MED12L: variants seen among roughly 807,000 people sequenced by gnomAD.
MED12L encodes the protein mediator of RNA polymerase II transcription subunit 12-like protein.
Under a neutral mutation model 281.3 loss-of-function variants are expected in MED12L, and 60 were observed. The observed-to-expected ratio is 0.21, with a 90% CI of 0.17 to 0.26. The LOEUF (loss-of-function observed/expected upper bound fraction) is 0.26, where lower values mean the gene tolerates loss of function less well. MED12L is among the 10% of genes least tolerant of loss of function. The probability of loss-of-function intolerance (pLI) is 1.00; values close to 1 mark genes in which losing one functional copy is unlikely to be tolerated. For missense variants in MED12L, 2,146 were observed against 2,680.9 expected (o/e 0.80, Z 4.41); for synonymous variants, 974 against 987.2 (o/e 0.99, Z 0.25).
At chr3:151,339,654 T>A (rs959741131) in intron 16 of MED12L, among the ~76,000 whole-genome samples, 14 of 151,616 alleles carry the variant, frequency 9.2e-5, no homozygotes, top group Middle Eastern at 6.8e-3. Flanking sequence ...AAAAAAAAAA[T>A]AAGAGTCAGA....
At chr3:151,415,732 GCT>G (rs1188897773) in intron 42 of MED12L, among the ~76,000 whole-genome samples, 1 of 152,140 alleles carries the variant, frequency 6.6e-6, no homozygotes, top group African/African-American at 2.4e-5. Flanking sequence ...TCTGGTCTGT[GCT>G]TTTTCTGTGA....
intron 16 of MED12L, chr3:151,213,360 G>A: frequency 1.9e-6 from 3 of 1,613,760 alleles, no homozygotes; most frequent in Middle Eastern, 1.7e-4. Flanking sequence ...AAATGTCTAG[G>A]TCATTCTGAG....
intron 16 of MED12L, among the ~76,000 whole-genome samples, chr3:151,222,252 A>C (rs530396496): frequency 2.0e-5 from 3 of 152,196 alleles, no homozygotes; most frequent in Non-Finnish European, 4.4e-5. Context: ...CTTGTCTGGG[A>C]TGAGACTCTG....
chr3:151,086,720 C>T (rs1719265926), intron 1 of MED12L, 78 bp from the exon 2 acceptor site: 1 of 450,220 alleles, frequency 2.2e-6, no homozygotes, highest in Non-Finnish European at 4.0e-6. Flanking sequence ...GAGTACCCGC[C>T]GAAGGCTGTC....
chr3:151,190,236 A>G (rs1311351099), intron 13 of MED12L, among the ~76,000 whole-genome samples: 1 of 150,602 alleles, frequency 6.6e-6, no homozygotes, highest in Non-Finnish European at 1.5e-5. Flanking sequence ...CAGTGGCACG[A>G]TCTTGGCTCA....
chr3:151,391,063 T>G (rs1007813689), intron 38 of MED12L, among the ~76,000 whole-genome samples: 1 of 152,224 alleles, frequency 6.6e-6, no homozygotes, highest in Non-Finnish European at 1.5e-5. Context: ...GATTCAGTTA[T>G]TTATTCAAGA....
intron 16 of MED12L, chr3:151,212,974 T>TAAA: frequency 1.2e-5 from 2 of 160,828 alleles, no homozygotes; most frequent in Admixed American, 6.4e-5. Flanking sequence ...TGTGTTTTAT[T>TAAA]TACTATTTAA....
chr3:151,328,587 G>GT (rs1560033985), intron 16 of MED12L: 6 of 1,613,512 alleles, frequency 3.7e-6, no homozygotes, highest in Non-Finnish European at 5.1e-6. Flanking sequence ...GCAAAAACAG[G>GT]TTTTTTTAGA....
At chr3:151,374,875 A>G (rs371505072) in intron 27 of MED12L, among the ~76,000 whole-genome samples, 72 of 152,274 alleles carry the variant, frequency 4.7e-4, no homozygotes, top group African/African-American at 1.7e-3. Flanking sequence ...CAGATGATCC[A>G]GTTTTATTAT....
intron 16 of MED12L, among the ~76,000 whole-genome samples, chr3:151,315,796 T>G (rs978923531): frequency 6.6e-6 from 1 of 152,206 alleles, no homozygotes. Flanking sequence ...GTTAAAAATG[T>G]TAATATACCT....
chr3:151,331,004 A>C (rs984990809), intron 16 of MED12L, among the ~76,000 whole-genome samples: 9 of 152,246 alleles, frequency 5.9e-5, no homozygotes, highest in African/African-American at 2.2e-4. Context: ...TTTTTCTTTA[A>C]GCAAGATAAA....
intron 16 of MED12L, among the ~76,000 whole-genome samples, chr3:151,311,533 A>G (rs1273373731): frequency 1.3e-5 from 2 of 152,144 alleles, no homozygotes; most frequent in Non-Finnish European, 2.9e-5. Context: ...GCTATATATA[A>G]TATAGGCATG....
At chr3:151,313,966 C>G (rs1747895474) in intron 16 of MED12L, among the ~76,000 whole-genome samples, 1 of 151,888 alleles carries the variant, frequency 6.6e-6, no homozygotes. Context: ...GTAATCTTGT[C>G]ACATATCAAG....
At chr3:151,366,276 G>T (rs1755257312) in intron 23 of MED12L, among the ~76,000 whole-genome samples, 1 of 152,124 alleles carries the variant, frequency 6.6e-6, no homozygotes, top group Non-Finnish European at 1.5e-5. Context: ...CCATATGGAT[G>T]GTCTCTTCAG....
intron 16 of MED12L, among the ~76,000 whole-genome samples, chr3:151,248,263 T>C (rs961864885): frequency 2.0e-5 from 3 of 152,150 alleles, no homozygotes; most frequent in African/African-American, 7.2e-5. Context: ...ACCTATTTAA[T>C]TCCTATTTCT....
rs573147896 is a variant in MED12L at position 151,092,484 on chromosome 3, C to T, written c.99+5459C>T. Among the ~76,000 whole-genome samples, 11 of 152,282 alleles carry T rather than the reference C, an allele frequency of 7.2e-5. 1 individual carries two copies. In the South Asian group the frequency reaches 2.1e-3, roughly 29 times the overall value. On this transcript the variant is annotated intron_variant, in intron 2 of 44. Coordinates refer to ENST00000687756, the MANE Select transcript of MED12L (RefSeq NM_001393769.1). ...TACTTCATGAAGAAATTAATAAATG[C>T]AGAAAGAACTATTAATGAGCAATTG...
chr3:151,278,126 C>A (rs1011213021), intron 16 of MED12L, among the ~76,000 whole-genome samples: 1 of 151,912 alleles, frequency 6.6e-6, no homozygotes, highest in Non-Finnish European at 1.5e-5. Context: ...ATTAATATAC[C>A]AATTATAGTT....
chr3:151,179,305 A>G (rs1323428655), intron 11 of MED12L, among the ~76,000 whole-genome samples: 1 of 151,416 alleles, frequency 6.6e-6, no homozygotes, highest in Non-Finnish European at 1.5e-5. Context: ...GTACAACTGT[A>G]CTCTAGCCTG....
chr3:151,101,800 C>T (rs915240954), intron 2 of MED12L, among the ~76,000 whole-genome samples: 1 of 152,006 alleles, frequency 6.6e-6, no homozygotes, highest in Admixed American at 6.6e-5. Flanking sequence ...ACAGTGGAGT[C>T]GGAGAGGCTG....
Sources: gnomAD v4.1 joint callset for allele counts (sites outside exome capture counted in the v4.1 genomes callset) on GRCh38, gnomAD v4.1.1 for gene constraint, MANE v1.5 for transcripts, NCBI Gene and HGNC (gene_info 2026-07-23, HGNC 2026-07-21) for gene names.